The following OPTN variants were observed in gnomAD, a reference collection of about 807,000 sequenced individuals.
The protein encoded by OPTN is E3-14.7K-interacting protein.
Under a neutral mutation model 70.4 loss-of-function variants are expected in OPTN, and 54 were observed. That is an observed-to-expected ratio of 0.77 (90% CI 0.62 to 0.96). The LOEUF (loss-of-function observed/expected upper bound fraction) is 0.96, where lower values mean the gene tolerates loss of function less well. OPTN is among the 40% of genes least tolerant of loss of function. OPTN has a pLI of 0.00. For missense variants in OPTN, 624 were observed against 673.2 expected, an observed-to-expected ratio of 0.93 and a Z score of 0.81; for synonymous variants, 256 against 248.5, an observed-to-expected ratio of 1.03 and a Z score of -0.28.
intron 5 of OPTN, among the ~76,000 whole-genome samples, chr10:13,115,475 A>AT (rs1250071760): frequency 9.8e-6 from 1 of 101,964 alleles, no homozygotes; most frequent in East Asian, 2.7e-4. Context: ...TATAGAATAT[A>AT]TATAATATAT....
rs10906310 is a variant in OPTN at position 13,136,697 on chromosome 10, C to A, written c.1613-48C>A. On this transcript the variant is annotated intron_variant, in intron 14 of 14. Transcript: ENST00000378747. ...ATCTGTTCTTCAAGTGAAACAAACA[C>A]AACTGCCTGCAAAATGGAACTAATG... The A allele has an allele frequency of 0.25, 396,626 of 1,610,842 alleles. 50,798 individuals carry two copies. The highest frequency in any genetic ancestry group is 0.38 in the East Asian group (17,107 of 44,798).
Position 13,109,171 on chromosome 10 carries a change from A to C in OPTN, c.49A>C (p.Ser17Arg). Reference protein sequence around the residue: ...SCLTEKEDSPSESTGNGPPHL... With the variant: ...SCLTEKEDSPRESTGNGPPHL... ...CCTCACTGAAAAGGAGGACAGCCCC[A>C]GTGAAAGCACAGGAAATGGACCCCC... The change falls in exon 3 of 15, where the codon AGT (serine) becomes CGT (arginine). Residue 17 changes from serine (S) to arginine (R), a missense_variant. By Grantham distance (110) the Ser-to-Arg change is moderately radical (BLOSUM62 -1). Transcript: ENST00000378747. 6.2e-7 allele frequency: 1 copy of C among 1,614,010 alleles called. No individual in the cohort carries two copies.
chr10:13,133,665 A>T, intron 14 of OPTN, 84 bp downstream of exon 14: 1 of 1,245,396 alleles, frequency 8.0e-7, no homozygotes, highest in South Asian at 1.2e-5. Flanking sequence ...TTCATTCTCT[A>T]CAATGGATTC....
In OPTN at chr10:13,122,574, T is replaced by G. The variant is rs928279893; in HGVS notation, c.882+87T>G. On this transcript the variant is annotated intron_variant, in intron 8 of 14. Coordinates refer to ENST00000378747, the MANE Select transcript of OPTN (RefSeq NM_001008212.2). Reference sequence around the variant, plus strand: ...GAATTCAAATCTTGTGATGGGTTATTTGCTTTAGAAATATAGAAATCATGT... The same window carrying G: ...GAATTCAAATCTTGTGATGGGTTATGTGCTTTAGAAATATAGAAATCATGT... 5.7e-6 allele frequency: 5 copies of G among 871,296 alleles called. No individual in the cohort carries two copies. In the Admixed American group the frequency reaches 9.1e-5, roughly 16 times the overall value. The allele number at this position is 871,296 out of a possible 1,614,324, so 54.0% of individuals were successfully genotyped here.
At chr10:13,115,112 AT>A (rs1180055925) in intron 5 of OPTN, among the ~76,000 whole-genome samples, 3 of 91,064 alleles carry the variant, frequency 3.3e-5, no homozygotes, top group African/African-American at 9.6e-5. Flanking sequence ...TTTTATATAT[AT>A]TATATATATA....
At chr10:13,107,224 A>T (rs919706704) in intron 1 of OPTN, among the ~76,000 whole-genome samples, 1 of 151,282 alleles carries the variant, frequency 6.6e-6, no homozygotes, top group Non-Finnish European at 1.5e-5. Flanking sequence ...AAAATACAAA[A>T]ATTGGCCAGG....
At position 13,137,210 on chromosome 10, in the gene OPTN, T is replaced by G. The variant is rs1833718878; in HGVS notation, c.*344T>G. 2 of 404,938 alleles carry G rather than the reference T, an allele frequency of 4.9e-6. No homozygotes were observed. The highest frequency in any genetic ancestry group is 7.4e-5 in the Admixed American group (2 of 27,074). 25.1% of individuals were successfully genotyped at this position (404,938 alleles called of 1,614,324 possible). On this transcript the variant is annotated 3_prime_UTR_variant, in exon 15 of 15. Coordinates refer to ENST00000378747, the MANE Select transcript of OPTN (RefSeq NM_001008212.2). ...AGGAGAATTGCTTGAACCCAGGAAG[T>G]GGCAGTTGCAGTGAGCCGAGACGAC... is the stretch of plus-strand genomic sequence containing the variant.
chr10:13,112,754 C>A, intron 5 of OPTN, 119 bp downstream of exon 5: 1 of 1,010,402 alleles, frequency 9.9e-7, no homozygotes, highest in Non-Finnish European at 1.5e-6. Context: ...TCCAGTGTAG[C>A]AAAGATAAAT....
At chr10:13,100,723 C>T (rs1832723852) in intron 1 of OPTN, among the ~76,000 whole-genome samples, 1 of 152,196 alleles carries the variant, frequency 6.6e-6, no homozygotes, top group South Asian at 2.1e-4. Context: ...GAATGAGGTG[C>T]CCAGGGTCGG....
In OPTN at chr10:13,112,682, C is replaced by T. The variant is rs1469591731; in HGVS notation, c.552+47C>T. 2.6e-6 allele frequency: 4 copies of T among 1,566,424 alleles called. No individual in the cohort carries two copies. The South Asian group carries it at 4.4e-5, about 17-fold the overall frequency. On this transcript the variant is annotated intron_variant, in intron 5 of 14. Transcript: ENST00000378747. ...TGTTTTGAGCAAACTATAAAGCCTC[C>T]CCTGGAAAGATGAAACAAATACCAC...
chr10:13,137,295 A>G lies in OPTN; in HGVS notation c.*429A>G. 3.1e-6 allele frequency: 1 copy of G among 321,148 alleles called. No homozygotes were observed. Among genetic ancestry groups the G allele is most frequent in the Non-Finnish European group, 5.9e-6 (1 of 170,764 alleles). The allele number at this position is 321,148 out of a possible 1,614,324, so 19.9% of individuals were successfully genotyped here. ...CTCTGTCTCGAAAGAAAGAAAGAAA[A>G]AAAGGAAGGAAGGAGAAGGAAGGAA... On this transcript the variant is annotated 3_prime_UTR_variant, in exon 15 of 15. Coordinates refer to ENST00000378747, the MANE Select transcript of OPTN (RefSeq NM_001008212.2).
chr10:13,132,739 C>T (rs1410480441), intron 13 of OPTN, among the ~76,000 whole-genome samples: 1 of 152,040 alleles, frequency 6.6e-6, no homozygotes, highest in Non-Finnish European at 1.5e-5. Flanking sequence ...ATGAAATATT[C>T]GTAGCACTTT....
intron 7 of OPTN, among the ~76,000 whole-genome samples, chr10:13,120,921 A>T (rs1833334289): frequency 6.6e-6 from 1 of 152,238 alleles, no homozygotes; most frequent in Admixed American, 6.5e-5. Context: ...GCGAAGGGGA[A>T]GCAAGGCACC....
intron 14 of OPTN, among the ~76,000 whole-genome samples, chr10:13,133,785 T>C (rs1833641244): frequency 6.6e-6 from 1 of 152,128 alleles, no homozygotes; most frequent in Non-Finnish European, 1.5e-5. Context: ...TGCCAGAAGG[T>C]GCCTGGCACG....
chr10:13,125,568 G>A lies in OPTN; in HGVS notation c.1148+1G>A, dbSNP rs1413812429. On this transcript the variant is annotated splice_donor_variant, in intron 10 of 14. Transcript: ENST00000378747. LOFTEE classifies it high-confidence loss of function. ...AACAGGCTAAAACAGAGGATGAAAA[G>A]TGAGTATGTTGAGTCAGAAGGGCAG... is the stretch of plus-strand genomic sequence containing the variant. The A allele has an allele frequency of 3.1e-6, 5 of 1,614,176 alleles. No individual in the cohort carries two copies. The highest frequency in any genetic ancestry group is 4.2e-6 in the Non-Finnish European group (5 of 1,180,006).
chr10:13,130,492 C>G (rs2131526229), intron 12 of OPTN, among the ~76,000 whole-genome samples: 1 of 121,118 alleles, frequency 8.3e-6, no homozygotes, highest in South Asian at 2.7e-4. Context: ...TAGGAATAGA[C>G]AAAACAAAGA....
chr10:13,135,360 G>A (rs571333311), intron 14 of OPTN, among the ~76,000 whole-genome samples: 13 of 152,066 alleles, frequency 8.5e-5, no homozygotes, highest in Non-Finnish European at 1.6e-4. Context: ...AAAACTGGGG[G>A]AAATGATAGG....
rs774772178 is a variant in OPTN at position 13,126,035 on chromosome 10, AAG to A, written c.1241_1242del (p.Glu414ValfsTer14). The A allele has an allele frequency of 2.7e-5, 43 of 1,599,924 alleles. No individual in the cohort carries two copies. Among genetic ancestry groups the A allele is most frequent in the Non-Finnish European group, 3.5e-5 (41 of 1,167,382 alleles). On this transcript the variant is annotated frameshift_variant and splice_region_variant, in exon 11 of 15. Coordinates refer to ENST00000378747, the MANE Select transcript of OPTN (RefSeq NM_001008212.2). LOFTEE classifies it high-confidence loss of function. ...AAAACAATTGAGGAACTAACAAGAAAAGAGGTATTCACTGAAAAAAATTACTT... is the reference window on the plus strand; with the variant it reads ...AAAACAATTGAGGAACTAACAAGAAAAGGTATTCACTGAAAAAAATTACTT...
In OPTN at chr10:13,114,701, T is replaced by C. The variant is rs1588437990; in HGVS notation, c.553-1566T>C. 2.1e-5 allele frequency among the ~76,000 whole-genome samples: 3 copies of C among 140,914 alleles called. No homozygotes were observed. The Admixed American group carries it at 2.3e-4, about 11-fold the overall frequency. 92.4% of individuals were successfully genotyped at this position (140,914 alleles called of 152,430 possible). A position where few individuals can be genotyped will look rare whatever the true frequency, so the allele number is the denominator to read the frequency against. On this transcript the variant is annotated intron_variant, in intron 5 of 14. Coordinates refer to ENST00000378747, the MANE Select transcript of OPTN (RefSeq NM_001008212.2). ...ATATATCTGTATTTATATTATATAA[T>C]GAATATATAATATATTCTATAATAT... is the stretch of plus-strand genomic sequence containing the variant.
Sources: gnomAD v4.1 joint callset for allele counts (sites outside exome capture counted in the v4.1 genomes callset) on GRCh38, gnomAD v4.1.1 for gene constraint, MANE v1.5 for transcripts, NCBI Gene and HGNC (gene_info 2026-07-23, HGNC 2026-07-21) for gene names.